Variants in FAM3C observed in about 807,000 individuals in gnomAD.
FAM3C encodes FAM3 metabolism regulating signaling molecule C, also known as protein FAM3C.
FAM3C carries 15 observed loss-of-function variants against 32.5 expected under a neutral mutation model. The ratio of observed to expected loss-of-function variants is 0.46; its 90% CI spans 0.31 to 0.71. FAM3C has a LOEUF of 0.71. FAM3C is among the 30% of genes least tolerant of loss of function. The probability of loss-of-function intolerance (pLI) is 0.05; values close to 1 mark genes in which losing one functional copy is unlikely to be tolerated. For missense variants in FAM3C, 175 were observed against 274.4 expected, an observed-to-expected ratio of 0.64 and a Z score of 2.56; for synonymous variants, 75 against 86.1, an observed-to-expected ratio of 0.87 and a Z score of 0.72.
intron 1 of FAM3C, among the ~76,000 whole-genome samples, chr7:121,395,267 A>G (rs1489084100): frequency 7.2e-6 from 1 of 139,730 alleles, no homozygotes; most frequent in Non-Finnish European, 1.5e-5. Flanking sequence ...ATACATATAT[A>G]TGGATACATA....
chr7:121,351,163 T>C lies in FAM3C; in HGVS notation c.574A>G (p.Thr192Ala), dbSNP rs368786295. ...WVFCGGKGIK[T>A]KSPFEQHIKN... ...CTAACCTGTTCAAAAGGGCTTTTTGTCTTAATGCCCTTCCCACCACAGAAG... is the reference window on the plus strand; with the variant it reads ...CTAACCTGTTCAAAAGGGCTTTTTGCCTTAATGCCCTTCCCACCACAGAAG... Residue 192 changes from threonine to alanine, a missense_variant, in exon 9 of 10, where the codon ACA becomes GCA. Thr to Ala is a moderately conservative substitution (Grantham distance 58). Transcript: ENST00000359943. 38 of 1,613,452 alleles carry C rather than the reference T, an allele frequency of 2.4e-5. No homozygotes were observed. Among genetic ancestry groups the C allele is most frequent in the Non-Finnish European group, 3.1e-5 (37 of 1,179,670 alleles).
intron 5 of FAM3C, among the ~76,000 whole-genome samples, chr7:121,370,611 G>A (rs1794126912): frequency 6.6e-6 from 1 of 152,142 alleles, no homozygotes; most frequent in African/African-American, 2.4e-5. Context: ...TTGACACTGA[G>A]GTAGGATATC....
At position 121,348,968 on chromosome 7, in the gene FAM3C, T is replaced by G. The variant is rs547146866; in HGVS notation, c.*1493A>C. 1 of 152,426 alleles carries G rather than the reference T, an allele frequency of 6.6e-6. No individual in the cohort carries two copies. Among genetic ancestry groups the G allele is most frequent in the East Asian group, 1.9e-4 (1 of 5,190 alleles). The allele number at this position is 152,426 out of a possible 1,614,324, so 9.4% of individuals were successfully genotyped here. ...TTTTAATTTACAGAATTGAGGGAAGTATTTTAAATGTCAAAATACACATGC... is the reference window on the plus strand; with the variant it reads ...TTTTAATTTACAGAATTGAGGGAAGGATTTTAAATGTCAAAATACACATGC... On this transcript the variant is annotated 3_prime_UTR_variant, in exon 10 of 10. Coordinates refer to ENST00000359943, the MANE Select transcript of FAM3C (RefSeq NM_014888.3).
chr7:121,359,863 G>A (rs941229645), intron 8 of FAM3C, among the ~76,000 whole-genome samples, 180 bp downstream of exon 8: 1 of 152,044 alleles, frequency 6.6e-6, no homozygotes. Flanking sequence ...GACAATATAT[G>A]TGTGATAAAC....
chr7:121,387,402 C>A (rs1278907671), intron 1 of FAM3C, among the ~76,000 whole-genome samples: 1 of 152,174 alleles, frequency 6.6e-6, no homozygotes, highest in African/African-American at 2.4e-5. Flanking sequence ...ACAACTTCCA[C>A]ATGGCTTTGA....
intron 4 of FAM3C, among the ~76,000 whole-genome samples, 170 bp from the exon 5 acceptor site, chr7:121,371,593 A>T (rs540986418): frequency 1.9e-3 from 288 of 152,246 alleles, no homozygotes; most frequent in Middle Eastern, 6.8e-3. Flanking sequence ...ACCTCAAAAA[A>T]TTTTTTTAAA....
At chr7:121,378,786 A>G (rs117771746) in intron 3 of FAM3C, 124 bp downstream of exon 3, 7,153 of 466,038 alleles carry the variant, frequency 0.015, 73 homozygotes, top group Non-Finnish European at 0.021. Flanking sequence ...CTAACAAATC[A>G]TATTTATGGA....
chr7:121,382,773 T>G (rs1788675496), intron 2 of FAM3C, among the ~76,000 whole-genome samples, 184 bp downstream of exon 2: 1 of 152,050 alleles, frequency 6.6e-6, no homozygotes, highest in Non-Finnish European at 1.5e-5. Context: ...AAAAAATTTA[T>G]GTGATACTGA....
chr7:121,378,434 C>T (rs1405789100), intron 3 of FAM3C, among the ~76,000 whole-genome samples: 1 of 152,088 alleles, frequency 6.6e-6, no homozygotes. Context: ...ATCCTCCCAC[C>T]TCGGCCTCCT....
chr7:121,350,781 T>C (rs1051609449), intron 9 of FAM3C, among the ~76,000 whole-genome samples: 3 of 152,198 alleles, frequency 2.0e-5, no homozygotes, highest in African/African-American at 4.8e-5. Context: ...GATTATTTGC[T>C]ACTCAAAAAC....
At chr7:121,388,941 T>C (rs986688051) in intron 1 of FAM3C, among the ~76,000 whole-genome samples, 3 of 152,166 alleles carry the variant, frequency 2.0e-5, no homozygotes, top group Non-Finnish European at 4.4e-5. Flanking sequence ...TTGTTTTTCA[T>C]TTGGCGCTCC....
chr7:121,389,017 T>G (rs186739255), intron 1 of FAM3C, among the ~76,000 whole-genome samples: 1 of 152,146 alleles, frequency 6.6e-6, no homozygotes, highest in Non-Finnish European at 1.5e-5. Flanking sequence ...AAAACTCCAT[T>G]CTTCTAAGAA....
At position 121,390,513 on chromosome 7, in the gene FAM3C, C is replaced by A. The variant is rs145867647; in HGVS notation, c.-42+5649G>T. 3.8e-4 allele frequency among the ~76,000 whole-genome samples: 58 copies of A among 152,214 alleles called. 1 individual carries two copies. In the East Asian group the frequency reaches 0.01, roughly 26 times the overall value. ...TGCCTTTGTAGGACTAACAAATTAG[C>A]CACAAGATTGGAAATTAGGGCTTAG... On this transcript the variant is annotated intron_variant, in intron 1 of 9. Transcript: ENST00000359943.
chr7:121,361,753 G>A (rs992406073), intron 7 of FAM3C, among the ~76,000 whole-genome samples: 2 of 152,282 alleles, frequency 1.3e-5, no homozygotes, highest in Non-Finnish European at 2.9e-5. Flanking sequence ...TCGGCTCACC[G>A]CAACTTCTGC....
At chr7:121,386,181 A>C (rs1021804102) in intron 1 of FAM3C, among the ~76,000 whole-genome samples, 1 of 152,160 alleles carries the variant, frequency 6.6e-6, no homozygotes, top group African/African-American at 2.4e-5. Context: ...AAGAAAATTA[A>C]ACGTACAAAT....
intron 8 of FAM3C, among the ~76,000 whole-genome samples, chr7:121,355,373 C>T (rs2536177): frequency 0.033 from 5,016 of 152,192 alleles, 299 homozygotes; most frequent in African/African-American, 0.11. Context: ...GACATTATCC[C>T]TGTTTTCAAA....
intron 8 of FAM3C, among the ~76,000 whole-genome samples, chr7:121,357,187 A>C (rs1413667077): frequency 3.3e-5 from 5 of 152,176 alleles, no homozygotes; most frequent in Non-Finnish European, 7.4e-5. Context: ...AAGCAGGCTC[A>C]TCATGATTAA....
chr7:121,366,448 T>C (rs1341566585), intron 5 of FAM3C, among the ~76,000 whole-genome samples: 1 of 152,058 alleles, frequency 6.6e-6, no homozygotes, highest in Admixed American at 6.6e-5. Flanking sequence ...CCAAATATTA[T>C]ATACCACTTA....
chr7:121,396,370 G>A (rs1204199272), upstream of FAM3C: 1 of 152,120 alleles, frequency 6.6e-6, no homozygotes, highest in African/African-American at 2.4e-5. Context: ...GCGACCAATG[G>A]GCCCCCGCCG....
Sources: gnomAD v4.1 joint callset for allele counts (sites outside exome capture counted in the v4.1 genomes callset) on GRCh38, gnomAD v4.1.1 for gene constraint, MANE v1.5 for transcripts, NCBI Gene and HGNC (gene_info 2026-07-23, HGNC 2026-07-21) for gene names.